The following SYT9 variants were observed in gnomAD, a reference collection of about 807,000 sequenced individuals.
The protein encoded by SYT9 is synaptotagmin-9.
A neutral mutation model predicts 48.4 loss-of-function variants in SYT9; 22 were observed. The observed-to-expected ratio is 0.45, with a 90% confidence interval of 0.32 to 0.65. The LOEUF (loss-of-function observed/expected upper bound fraction) is 0.65. SYT9 is among the 30% of genes least tolerant of loss of function. SYT9 has a pLI of 0.03. For missense variants in SYT9, 577 were observed against 622.0 expected, an observed-to-expected ratio of 0.93 and a Z score of 0.77; for synonymous variants, 265 against 245.0, an observed-to-expected ratio of 1.08 and a Z score of -0.76.
chr11:7,247,611 A>ATG (rs1847809456), upstream of SYT9, among the ~76,000 whole-genome samples: 1 of 147,228 alleles, frequency 6.8e-6, no homozygotes, highest in Non-Finnish European at 1.5e-5. Flanking sequence ...ATATATACAT[A>ATG]TATACGTGTA....
intron 3 of SYT9, among the ~76,000 whole-genome samples, chr11:7,344,716 A>G (rs372989871): frequency 6.6e-6 from 1 of 152,256 alleles, no homozygotes; most frequent in African/African-American, 2.4e-5. Context: ...AAAATAATTG[A>G]TCATATATAT....
At position 7,334,884 on chromosome 11, in the gene SYT9, A is replaced by T. The variant is rs59698212; in HGVS notation, c.1044+20943A>T. On this transcript the variant is annotated intron_variant, in intron 3 of 6. Coordinates refer to ENST00000318881, the MANE Select transcript of SYT9 (RefSeq NM_175733.4). ...ACTTTTTGTTTATCCCTTGCCTATT[A>T]ATGAACATTTGGGTTATTTTCAGTT... is the stretch of plus-strand genomic sequence containing the variant. 5.4e-3 allele frequency among the ~76,000 whole-genome samples: 825 copies of T among 152,290 alleles called. 3 individuals carry two copies. The highest frequency in any genetic ancestry group is 0.019 in the African/African-American group (779 of 41,546).
At chr11:7,432,620 T>A (rs1461096533) in intron 6 of SYT9, among the ~76,000 whole-genome samples, 6 of 35,152 alleles carry the variant, frequency 1.7e-4, no homozygotes, top group Middle Eastern at 0.025. Context: ...TATATATATA[T>A]ATATATATAT....
rs554265873 is a variant in SYT9, at chr11:7,413,061, G to T, written c.1045-2981G>T. 3.3e-5 allele frequency among the ~76,000 whole-genome samples: 5 copies of T among 152,324 alleles called. No homozygotes were observed. The South Asian group carries it at 1.0e-3, about 32-fold the overall frequency. On this transcript the variant is annotated intron_variant, in intron 3 of 6. Transcript: ENST00000318881. ...GGCTATGATAGGTAGGAACAAGGTGGTCCCCAGGCAGTCAGCAGAATGCTC... is the reference window on the plus strand; with the variant it reads ...GGCTATGATAGGTAGGAACAAGGTGTTCCCCAGGCAGTCAGCAGAATGCTC...
upstream of SYT9, among the ~76,000 whole-genome samples, chr11:7,247,588 TGTATATATAC>T (rs973068536): frequency 9.5e-5 from 14 of 147,786 alleles, no homozygotes; most frequent in African/African-American, 3.2e-4. Context: ...CATATATATG[TGTATATATAC>T]GTATATATAC....
At chr11:7,269,993 A>G (rs1046832843) in intron 1 of SYT9, among the ~76,000 whole-genome samples, 3 of 152,208 alleles carry the variant, frequency 2.0e-5, no homozygotes, top group Admixed American at 1.3e-4. Flanking sequence ...AAAGTTCATT[A>G]TCAGCAAGAC....
At chr11:7,298,511 T>C (rs1194667104) in intron 1 of SYT9, among the ~76,000 whole-genome samples, 2 of 152,194 alleles carry the variant, frequency 1.3e-5, no homozygotes, top group Non-Finnish European at 2.9e-5. Flanking sequence ...ATTTCTTCCA[T>C]GGTTTTTCTT....
chr11:7,296,721 A>G (rs1348782363), intron 1 of SYT9, among the ~76,000 whole-genome samples: 1 of 152,240 alleles, frequency 6.6e-6, no homozygotes, highest in Non-Finnish European at 1.5e-5. Flanking sequence ...AAGATATTAA[A>G]TAAAGGCTTT....
chr11:7,304,315 C>A (rs1039093425), intron 2 of SYT9, among the ~76,000 whole-genome samples: 3 of 152,172 alleles, frequency 2.0e-5, no homozygotes, highest in Admixed American at 6.5e-5. Flanking sequence ...TGAGGCTAAG[C>A]AGCCAGTTCT....
At chr11:7,328,396 C>T (rs1269282936) in intron 3 of SYT9, among the ~76,000 whole-genome samples, 1 of 152,000 alleles carries the variant, frequency 6.6e-6, no homozygotes, top group Non-Finnish European at 1.5e-5. Context: ...CTCCCTTCTA[C>T]CAACTTATAA....
chr11:7,342,639 T>C (rs1849733615), intron 3 of SYT9, among the ~76,000 whole-genome samples: 1 of 152,214 alleles, frequency 6.6e-6, no homozygotes, highest in African/African-American at 2.4e-5. Flanking sequence ...CTGCAGCCTT[T>C]CCAGGTGCAC....
At chr11:7,243,914 T>C (rs1847766423) in intron 1 of SYT9, among the ~76,000 whole-genome samples, 1 of 152,064 alleles carries the variant, frequency 6.6e-6, no homozygotes, top group Non-Finnish European at 1.5e-5. Context: ...TCAGCCACTT[T>C]GAAAGACAGC....
At chr11:7,407,009 T>C (rs1392396585) in intron 3 of SYT9, among the ~76,000 whole-genome samples, 2 of 152,174 alleles carry the variant, frequency 1.3e-5, no homozygotes, top group Admixed American at 6.5e-5. Flanking sequence ...TTGATAAATA[T>C]CTATTCATGT....
intron 3 of SYT9, among the ~76,000 whole-genome samples, chr11:7,376,277 T>C (rs1002770950): frequency 3.3e-5 from 5 of 151,588 alleles, no homozygotes; most frequent in Admixed American, 1.3e-4. Flanking sequence ...CTCCCTCTTC[T>C]CTTTCTCTCT....
intron 1 of SYT9, among the ~76,000 whole-genome samples, chr11:7,288,260 T>C (rs905086505): frequency 1.3e-5 from 2 of 149,242 alleles, no homozygotes; most frequent in African/African-American, 5.0e-5. Context: ...TGTTGGTATT[T>C]GGTAAAACTA....
At position 7,313,508 on chromosome 11, in the gene SYT9, A is replaced by G; in HGVS notation, c.611A>G (p.Lys204Arg). ...GIGRIKPELY[K>R]QRSLDNDDGR... Reference sequence around the variant, plus strand: ...GGTAGAATTAAACCAGAGTTATATAAGCAGAGGTCATTGGATAATGATGAC... The same window carrying G: ...GGTAGAATTAAACCAGAGTTATATAGGCAGAGGTCATTGGATAATGATGAC... Residue 204 changes from lysine (K) to arginine (R), a missense_variant, in exon 3 of 7, where the codon AAG becomes AGG. Coordinates refer to ENST00000318881, the MANE Select transcript of SYT9 (RefSeq NM_175733.4). The G allele has an allele frequency of 1.9e-6, 3 of 1,614,200 alleles. No homozygotes were observed. The highest frequency in any genetic ancestry group is 2.5e-6 in the Non-Finnish European group (3 of 1,180,006).
chr11:7,460,650 AT>A (rs1321595438), intron 6 of SYT9, among the ~76,000 whole-genome samples: 1 of 152,218 alleles, frequency 6.6e-6, no homozygotes, highest in Admixed American at 6.5e-5. Context: ...AATGGTGACT[AT>A]AAATTTAACT....
chr11:7,297,079 TGTGTGTGAGA>T (rs774643490), intron 1 of SYT9, among the ~76,000 whole-genome samples: 34 of 148,548 alleles, frequency 2.3e-4, no homozygotes, highest in Non-Finnish European at 4.5e-4. Flanking sequence ...TGTGTGTGTG[TGTGTGTGAGA>T]GAGAGAGAGA....
At chr11:7,279,156 G>A (rs1263366475) in intron 1 of SYT9, among the ~76,000 whole-genome samples, 1 of 152,120 alleles carries the variant, frequency 6.6e-6, no homozygotes, top group African/African-American at 2.4e-5. Context: ...GAAACTCAAG[G>A]CTTGTGAGCT....
Sources: gnomAD v4.1 joint callset for allele counts (sites outside exome capture counted in the v4.1 genomes callset) on GRCh38, gnomAD v4.1.1 for gene constraint, MANE v1.5 for transcripts, NCBI Gene and HGNC (gene_info 2026-07-23, HGNC 2026-07-21) for gene names.